MAP3K20: variants seen among roughly 807,000 people sequenced by gnomAD.
MAP3K20 encodes mitogen-activated protein kinase kinase kinase 20.
A neutral mutation model predicts 85.7 loss-of-function variants in MAP3K20; 40 were observed. The observed-to-expected ratio is 0.47, with a 90% confidence interval of 0.36 to 0.61. The LOEUF is 0.61. Ranked by LOEUF, MAP3K20 falls within the 20% of genes least tolerant of loss-of-function variation. The pLI is 0.00. For missense variants in MAP3K20, 817 were observed against 961.7 expected, an observed-to-expected ratio of 0.85 and a Z score of 1.99; for synonymous variants, 325 against 327.7, an observed-to-expected ratio of 0.99 and a Z score of 0.09.
chr2:173,124,337 G>A (rs796529874), intron 2 of MAP3K20, among the ~76,000 whole-genome samples: 11 of 152,312 alleles, frequency 7.2e-5, no homozygotes, highest in African/African-American at 2.6e-4. Flanking sequence ...GGATAGCAAA[G>A]GCAGAGAACA....
intron 10 of MAP3K20, chr2:173,212,786 G>A (rs142954984): frequency 7.8e-6 from 1 of 128,388 alleles, no homozygotes; most frequent in Non-Finnish European, 1.6e-5. Flanking sequence ...GCTACAGAGT[G>A]AGATCCTATT....
intron 14 of MAP3K20, among the ~76,000 whole-genome samples, chr2:173,233,893 G>C (rs1559292738): frequency 6.6e-6 from 1 of 152,188 alleles, no homozygotes; most frequent in Non-Finnish European, 1.5e-5. Flanking sequence ...TTCCACAACA[G>C]AAAGAGGACC....
intron 2 of MAP3K20, among the ~76,000 whole-genome samples, chr2:173,111,548 T>C (rs1687974676): frequency 6.6e-6 from 1 of 152,252 alleles, no homozygotes; most frequent in Non-Finnish European, 1.5e-5. Context: ...AGAATTTTTA[T>C]AGTTTCAGGT....
At chr2:173,177,825 A>G (rs1690206277) in intron 3 of MAP3K20, among the ~76,000 whole-genome samples, 1 of 152,160 alleles carries the variant, frequency 6.6e-6, no homozygotes, top group Non-Finnish European at 1.5e-5. Flanking sequence ...GAATGCAGAT[A>G]AGGCAGTATT....
At chr2:173,152,042 A>G (rs80102902) in intron 2 of MAP3K20, among the ~76,000 whole-genome samples, 1,936 of 152,324 alleles carry the variant, frequency 0.013, 23 homozygotes, top group Middle Eastern at 0.024. Flanking sequence ...AACAGGGTCT[A>G]TACTCTCATG....
intron 2 of MAP3K20, among the ~76,000 whole-genome samples, chr2:173,093,739 C>A (rs1295518181): frequency 6.6e-6 from 1 of 151,922 alleles, no homozygotes; most frequent in Non-Finnish European, 1.5e-5. Context: ...TGGAACCAAC[C>A]CAAATGTCCA....
At chr2:173,193,306 T>G (rs1348026772) in intron 7 of MAP3K20, among the ~76,000 whole-genome samples, 1 of 152,216 alleles carries the variant, frequency 6.6e-6, no homozygotes, top group African/African-American at 2.4e-5. Flanking sequence ...TTTTTGCACT[T>G]ATGAGTCCAC....
intron 15 of MAP3K20, among the ~76,000 whole-genome samples, chr2:173,238,667 T>A (rs1684710383): frequency 6.6e-6 from 1 of 152,188 alleles, no homozygotes; most frequent in South Asian, 2.1e-4. Context: ...ACACCTTACT[T>A]TAGTGGCTAG....
At chr2:173,194,153 A>T (rs1292108409) in intron 7 of MAP3K20, among the ~76,000 whole-genome samples, 1 of 152,202 alleles carries the variant, frequency 6.6e-6, no homozygotes, top group Admixed American at 6.5e-5. Flanking sequence ...TTTGCTTGGA[A>T]TGCTGGTTTG....
intron 19 of MAP3K20, among the ~76,000 whole-genome samples, chr2:173,265,822 C>T (rs993522682): frequency 6.6e-6 from 1 of 152,138 alleles, no homozygotes; most frequent in African/African-American, 2.4e-5. Context: ...GTAAGTAAAG[C>T]CCATGGAACA....
chr2:173,089,624 C>T (rs991755534), intron 1 of MAP3K20, among the ~76,000 whole-genome samples: 1 of 151,650 alleles, frequency 6.6e-6, no homozygotes, highest in Non-Finnish European at 1.5e-5. Context: ...GCTCTGTTGC[C>T]CAGGCTGGAG....
chr2:173,090,481 G>GTA (rs201578392), intron 1 of MAP3K20: 11 of 72,778 alleles, frequency 1.5e-4, no homozygotes, highest in Non-Finnish European at 1.7e-4. Context: ...TGTTTTTGGA[G>GTA]TCAACGTTTA....
chr2:173,079,960 G>A (rs1419626337), intron 1 of MAP3K20, among the ~76,000 whole-genome samples: 1 of 151,578 alleles, frequency 6.6e-6, no homozygotes, highest in Non-Finnish European at 1.5e-5. Context: ...ATACATAAAT[G>A]AGTAACACAG....
In MAP3K20 at chr2:173,229,701, T is replaced by C. The variant is rs1684476844; in HGVS notation, c.1000T>C (p.Phe334Leu). The change falls in exon 12 of 20, where the codon TTT (phenylalanine) becomes CTT (leucine). Residue 334 changes from phenylalanine to leucine, a missense_variant. Coordinates refer to ENST00000375213, the MANE Select transcript of MAP3K20 (RefSeq NM_016653.3). ...EQSNTPLLPS[F>L]EIGAWTEDDV... ...ATTTCCCATGCAGCTGCTGCCTTCC[T>C]TTGAGATTGGTGCATGGACGGAAGA... is the stretch of plus-strand genomic sequence containing the variant. 3.1e-6 allele frequency: 5 copies of C among 1,614,118 alleles called. No individual in the cohort carries two copies. The highest frequency in any genetic ancestry group is 4.2e-6 in the Non-Finnish European group (5 of 1,179,998).
At position 173,263,825 on chromosome 2, in the gene MAP3K20, A is replaced by C; in HGVS notation, c.1632A>C (p.Lys544Asn). ...GAACAAAACCTCAGGATGAAGTGAA[A>C]GCAGTCCAACTTGCCATTCAGACAT... ...WSRTKPQDEV[K>N]AVQLAIQTLF... is the part of the protein sequence containing the mutation. Residue 544 changes from lysine (K) to asparagine (N), a missense_variant, in exon 19 of 20, where the codon AAA (lysine) becomes AAC (asparagine). Coordinates refer to ENST00000375213, the MANE Select transcript of MAP3K20 (RefSeq NM_016653.3). 6.2e-7 allele frequency: 1 copy of C among 1,613,728 alleles called. No individual in the cohort carries two copies. Among genetic ancestry groups the C allele is most frequent in the South Asian group, 1.1e-5 (1 of 90,974 alleles).
At chr2:173,197,484 A>T (rs1690887197) in intron 7 of MAP3K20, among the ~76,000 whole-genome samples, 1 of 152,220 alleles carries the variant, frequency 6.6e-6, no homozygotes, top group Non-Finnish European at 1.5e-5. Flanking sequence ...AGATTTCTCC[A>T]AAATCTAAAA....
intron 15 of MAP3K20, 74 bp downstream of exon 15, chr2:173,238,509 T>G: frequency 7.2e-7 from 1 of 1,382,554 alleles, no homozygotes; most frequent in Non-Finnish European, 1.0e-6. Context: ...CACACCTAAA[T>G]TTGCCAATGT....
intron 11 of MAP3K20, among the ~76,000 whole-genome samples, chr2:173,219,617 A>G (rs1439976): frequency 0.036 from 5,558 of 152,276 alleles, 146 homozygotes; most frequent in South Asian, 0.1. Flanking sequence ...CCTGTTTCCA[A>G]TGTTTAAAGA....
intron 2 of MAP3K20, among the ~76,000 whole-genome samples, chr2:173,096,060 G>C (rs1239848806): frequency 4.6e-5 from 7 of 152,110 alleles, no homozygotes; most frequent in Non-Finnish European, 4.4e-5. Context: ...TGCGTTATAA[G>C]ATGTGTATGC....
Sources: gnomAD v4.1 joint callset for allele counts (sites outside exome capture counted in the v4.1 genomes callset) on GRCh38, gnomAD v4.1.1 for gene constraint, MANE v1.5 for transcripts, NCBI Gene and HGNC (gene_info 2026-07-23, HGNC 2026-07-21) for gene names.